Variants in BCAR3 observed in about 807,000 individuals in gnomAD.
BCAR3 encodes breast cancer anti-estrogen resistance protein 3.
BCAR3 carries 37 observed loss-of-function variants against 80.1 expected under a neutral mutation model. That is an observed-to-expected ratio of 0.46 (90% CI 0.36 to 0.61). The LOEUF (loss-of-function observed/expected upper bound fraction) is 0.61, where lower values mean the gene tolerates loss of function less well. BCAR3 is among the 20% of genes least tolerant of loss of function. BCAR3 has a pLI of 0.00. For missense variants in BCAR3, 978 were observed against 1,068.2 expected, an observed-to-expected ratio of 0.92 and a Z score of 1.18; for synonymous variants, 389 against 418.9, an observed-to-expected ratio of 0.93 and a Z score of 0.87.
intron 3 of BCAR3, among the ~76,000 whole-genome samples, chr1:93,692,716 G>A (rs1448157592): frequency 6.6e-6 from 1 of 152,224 alleles, no homozygotes; most frequent in Non-Finnish European, 1.5e-5. Context: ...TCATCTCCCA[G>A]TGTGAACCCT....
chr1:93,783,959 C>T (rs1490902323), intron 2 of BCAR3, among the ~76,000 whole-genome samples: 1 of 152,186 alleles, frequency 6.6e-6, no homozygotes, highest in African/African-American at 2.4e-5. Flanking sequence ...GGTTTTCTCT[C>T]TTGCGATGTT....
rs146646626 is a variant in BCAR3, at chr1:93,605,857, T to A, written c.358-13464A>T. ...ACCGTAGTTGAAAGACACCCAAAGA[T>A]GTAATTGGAAGGAAAAACAAGATAT... On this transcript the variant is annotated intron_variant, in intron 3 of 11. Coordinates refer to ENST00000260502, the MANE Select transcript of BCAR3 (RefSeq NM_003567.4). Among the ~76,000 whole-genome samples the A allele has an allele frequency of 3.6e-3, 547 of 152,276 alleles. 3 individuals are homozygous for A. Among genetic ancestry groups the A allele is most frequent in the Non-Finnish European group, 5.6e-3 (378 of 68,028 alleles).
At chr1:93,713,819 T>C (rs540481517) in intron 2 of BCAR3, among the ~76,000 whole-genome samples, 4 of 152,360 alleles carry the variant, frequency 2.6e-5, no homozygotes, top group Admixed American at 2.0e-4. Flanking sequence ...CAAATGTTAA[T>C]AAATTTCTAT....
At chr1:93,742,116 T>A (rs1451580040) in intron 2 of BCAR3, among the ~76,000 whole-genome samples, 3 of 152,298 alleles carry the variant, frequency 2.0e-5, no homozygotes, top group Admixed American at 2.0e-4. Flanking sequence ...AATATCCCTT[T>A]GAATTTATCC....
chr1:93,669,698 G>A (rs191134672), intron 2 of BCAR3, among the ~76,000 whole-genome samples: 59 of 152,310 alleles, frequency 3.9e-4, no homozygotes, highest in East Asian at 3.5e-3. Context: ...CAGACATCCC[G>A]ACAACAGGAA....
At chr1:93,773,515 C>T (rs971883560) in intron 2 of BCAR3, among the ~76,000 whole-genome samples, 3 of 152,172 alleles carry the variant, frequency 2.0e-5, no homozygotes, top group African/African-American at 7.2e-5. Flanking sequence ...TCTCCTGGGT[C>T]CTAATCCACT....
rs186932757 is a variant in BCAR3, at chr1:93,656,547, A to T, written c.318-14204T>A. Among the ~76,000 whole-genome samples the T allele has an allele frequency of 9.1e-3, 1,378 of 150,738 alleles. 15 individuals carry two copies. The highest frequency in any genetic ancestry group is 0.021 in the African/African-American group (852 of 41,114). On this transcript the variant is annotated intron_variant, in intron 2 of 11. Coordinates refer to ENST00000260502, the MANE Select transcript of BCAR3 (RefSeq NM_003567.4). ...AGACCACTTATGATTTTATCTTTTT[A>T]AAAAAAAATGTACCATACATCGTTA...
intron 2 of BCAR3, among the ~76,000 whole-genome samples, chr1:93,833,708 C>T (rs1654662247): frequency 6.6e-6 from 1 of 151,962 alleles, no homozygotes; most frequent in South Asian, 2.1e-4. Flanking sequence ...TCATGGTTAT[C>T]TCCCTTGTTT....
chr1:93,631,051 C>T (rs962628379), intron 3 of BCAR3, among the ~76,000 whole-genome samples: 1 of 152,182 alleles, frequency 6.6e-6, no homozygotes, highest in Admixed American at 6.5e-5. Context: ...GCTCTGGAGG[C>T]TAAAAATCCT....
chr1:93,584,699 G>A (rs1224887053), intron 5 of BCAR3, among the ~76,000 whole-genome samples: 1 of 152,220 alleles, frequency 6.6e-6, no homozygotes, highest in Non-Finnish European at 1.5e-5. Flanking sequence ...CTGCTGAGCT[G>A]GGAAAAGGCA....
At chr1:93,607,573 T>C (rs1674811456) in intron 3 of BCAR3, among the ~76,000 whole-genome samples, 1 of 151,264 alleles carries the variant, frequency 6.6e-6, no homozygotes, top group Non-Finnish European at 1.5e-5. Context: ...TCTCACTCAC[T>C]CCGCATCCAA....
At chr1:93,570,822 G>A (rs1673182414) in intron 9 of BCAR3, among the ~76,000 whole-genome samples, 1 of 152,204 alleles carries the variant, frequency 6.6e-6, no homozygotes, top group South Asian at 2.1e-4. Flanking sequence ...GGTTCTCCTT[G>A]AATCACTACT....
chr1:93,591,373 G>C lies in BCAR3; in HGVS notation c.486+892C>G, dbSNP rs187480907. 1.8e-3 allele frequency among the ~76,000 whole-genome samples: 276 copies of C among 152,164 alleles called. 2 individuals are homozygous for C. The highest frequency in any genetic ancestry group is 6.4e-3 in the African/African-American group (265 of 41,502). On this transcript the variant is annotated intron_variant, in intron 4 of 11. Coordinates refer to ENST00000260502, the MANE Select transcript of BCAR3 (RefSeq NM_003567.4). ...ACCTGTAATCCCAGCTACCAGAGAG[G>C]CTGAGGCAGGAGAATCGCTTGAACC...
At position 93,745,977 on chromosome 1, in the gene BCAR3, C is replaced by G. The variant is rs947978541; in HGVS notation, c.-62-39835G>C. On this transcript the variant is annotated intron_variant, in intron 2 of 13. Transcript: ENST00000370244. ...CTTAGAACTCTTCAGAAGATAGAAG[C>G]TTTTATTCACTTAAACATAGTATTT... is the stretch of plus-strand genomic sequence containing the variant. Among the ~76,000 whole-genome samples the G allele has an allele frequency of 3.3e-5, 5 of 152,212 alleles. No homozygotes were observed. In the South Asian group the frequency reaches 1.0e-3, roughly 31 times the overall value.
chr1:93,575,758 T>C (rs1373800217), intron 8 of BCAR3, among the ~76,000 whole-genome samples: 1 of 152,186 alleles, frequency 6.6e-6, no homozygotes, highest in African/African-American at 2.4e-5. Flanking sequence ...CTTCAGGCCA[T>C]CTATTCTCTC....
chr1:93,639,536 G>T (rs1244473111), intron 3 of BCAR3, among the ~76,000 whole-genome samples: 2 of 145,592 alleles, frequency 1.4e-5, no homozygotes, highest in South Asian at 4.3e-4. Flanking sequence ...CAGTGCAATC[G>T]TGCGACTTCA....
chr1:93,641,301 G>A (rs12760092), intron 3 of BCAR3, among the ~76,000 whole-genome samples: 18,750 of 152,216 alleles, frequency 0.12, 1,197 homozygotes, highest in Middle Eastern at 0.17. Context: ...AACTCTGGGG[G>A]AAGGCATGGG....
At position 93,586,943 on chromosome 1, in the gene BCAR3, T is replaced by G. The variant is rs35115771; in HGVS notation, c.929+2034A>C. Among the ~76,000 whole-genome samples the G allele has an allele frequency of 0.069, 10,473 of 152,144 alleles. 665 individuals are homozygous for G. Among genetic ancestry groups the G allele is most frequent in the African/African-American group, 0.16 (6,772 of 41,510 alleles). On this transcript the variant is annotated intron_variant, in intron 5 of 11. Transcript: ENST00000260502. This position sits in a 1 kb window ranked among gnomAD's most constrained non-coding sequence, Gnocchi z 4.2. The stretch of plus-strand genomic sequence containing the variant: ...GCGTGCACCACCACACCTGGTTAAT[T>G]TTTGCATTTTTAGTAGAGATGGGGT...
intron 2 of BCAR3, among the ~76,000 whole-genome samples, chr1:93,782,434 A>G (rs1652795558): frequency 6.6e-6 from 1 of 152,240 alleles, no homozygotes; most frequent in African/African-American, 2.4e-5. Context: ...TCTAAGGGAC[A>G]TCTTCAGCAG....
Sources: allele counts gnomAD v4.1 joint callset (sites outside exome capture counted in the v4.1 genomes callset), GRCh38; gene constraint gnomAD v4.1.1; non-coding constraint Gnocchi (gnomAD v3.1); transcripts MANE v1.5; gene names NCBI Gene and HGNC (gene_info 2026-07-23, HGNC 2026-07-21).